The following HEMK2 variants were observed in gnomAD, a reference collection of about 807,000 sequenced individuals.
HEMK2 encodes HemK methyltransferase 2, ETF1 glutamine and histone H4 lysine.
the HEMK2 span, among the ~76,000 whole-genome samples, chr21:28,679,572 T>A: frequency 7.2e-5 from 11 of 152,196 alleles, no homozygotes; most frequent in African/African-American, 1.9e-4. Flanking sequence ...TACAGAACTC[T>A]CCACCCCAAA....
the HEMK2 span, among the ~76,000 whole-genome samples, chr21:28,856,866 G>A: frequency 6.6e-6 from 1 of 152,272 alleles, no homozygotes; most frequent in Non-Finnish European, 1.5e-5. Context: ...ACTCCCAGCA[G>A]CTGCTCAGGC....
At chr21:28,576,108 G>A in the HEMK2 span, among the ~76,000 whole-genome samples, 7 of 152,128 alleles carry the variant, frequency 4.6e-5, no homozygotes, top group Admixed American at 2.6e-4. Flanking sequence ...TAAGTACGTA[G>A]GAAAAGAATC....
chr21:28,757,240 G>A, the HEMK2 span, among the ~76,000 whole-genome samples: 1 of 152,284 alleles, frequency 6.6e-6, no homozygotes, highest in African/African-American at 2.4e-5. Context: ...GGAATGAAGA[G>A]AACCCAATTA....
chr21:28,738,560 C>G, the HEMK2 span, among the ~76,000 whole-genome samples: 1 of 152,192 alleles, frequency 6.6e-6, no homozygotes, highest in African/African-American at 2.4e-5. Flanking sequence ...AGGGACAGTT[C>G]AATCTGCCCA....
At chr21:28,749,849 T>C in the HEMK2 span, among the ~76,000 whole-genome samples, 9 of 152,200 alleles carry the variant, frequency 5.9e-5, no homozygotes. Context: ...CAGAGGAGTG[T>C]CTACAGCCAT....
chr21:28,740,990 A>G, the HEMK2 span, among the ~76,000 whole-genome samples: 1,657 of 152,300 alleles, frequency 0.011, 24 homozygotes, highest in African/African-American at 0.037. Context: ...TAATACAATT[A>G]CTACTATAAT....
chr21:28,814,056 T>C, the HEMK2 span, among the ~76,000 whole-genome samples: 1 of 151,966 alleles, frequency 6.6e-6, no homozygotes, highest in Non-Finnish European at 1.5e-5. Flanking sequence ...GCCAACATGG[T>C]GAAACCCCAT....
At chr21:28,723,010 TAA>T in the HEMK2 span, among the ~76,000 whole-genome samples, 16 of 143,188 alleles carry the variant, frequency 1.1e-4, no homozygotes, top group African/African-American at 2.5e-4. Context: ...TTTCTTTTAT[TAA>T]AAAAAAAAAA....
chr21:28,679,222 A>G, the HEMK2 span, among the ~76,000 whole-genome samples: 1 of 152,180 alleles, frequency 6.6e-6, no homozygotes, highest in South Asian at 2.1e-4. Flanking sequence ...AATGGAAAAC[A>G]AAAAAAGGCA....
the HEMK2 span, among the ~76,000 whole-genome samples, chr21:28,620,745 C>T: frequency 7.7e-6 from 1 of 130,678 alleles, no homozygotes. Flanking sequence ...GTAATCGGGG[C>T]TCACTGCAAC....
At chr21:28,864,883 T>TAAG in the HEMK2 span, among the ~76,000 whole-genome samples, 1 of 142,248 alleles carries the variant, frequency 7.0e-6, no homozygotes, top group Non-Finnish European at 1.5e-5. Context: ...GATAGGTAGA[T>TAAG]ATAGATGATA....
chr21:28,588,519 C>T, the HEMK2 span, among the ~76,000 whole-genome samples: 2 of 152,138 alleles, frequency 1.3e-5, no homozygotes, highest in Admixed American at 1.3e-4. Context: ...TGACGATAAG[C>T]AATTTACCCG....
the HEMK2 span, among the ~76,000 whole-genome samples, chr21:28,867,618 A>G: frequency 6.6e-6 from 1 of 152,198 alleles, no homozygotes; most frequent in Non-Finnish European, 1.5e-5. Flanking sequence ...TATTACTCAT[A>G]GTATTCATAC....
chr21:28,726,513 A>G, the HEMK2 span, among the ~76,000 whole-genome samples: 10 of 152,342 alleles, frequency 6.6e-5, no homozygotes, highest in East Asian at 1.9e-3. Flanking sequence ...AATTTATTTA[A>G]GTAGTTGAAA....
At chr21:28,821,815 A>T in the HEMK2 span, among the ~76,000 whole-genome samples, 3 of 152,250 alleles carry the variant, frequency 2.0e-5, no homozygotes, top group Admixed American at 6.5e-5. Flanking sequence ...AAATATATTC[A>T]AATTAAAGTA....
the HEMK2 span, among the ~76,000 whole-genome samples, chr21:28,838,533 CAAAA>C: frequency 5.5e-4 from 75 of 136,584 alleles, no homozygotes; most frequent in Non-Finnish European, 1.1e-3. Flanking sequence ...GACTCTGTCT[CAAAA>C]TAAAAAAAAA....
chr21:28,594,092 C>A, the HEMK2 span, among the ~76,000 whole-genome samples: 2 of 152,170 alleles, frequency 1.3e-5, no homozygotes. Context: ...CTCAAATACC[C>A]AAAACCTCTG....
At chr21:28,799,284 G>A in the HEMK2 span, among the ~76,000 whole-genome samples, 1 of 152,170 alleles carries the variant, frequency 6.6e-6, no homozygotes, top group Non-Finnish European at 1.5e-5. Context: ...AACAAGAGAA[G>A]AGAGCTTCTG....
At chr21:28,872,303 G>C in the HEMK2 span, 1 of 152,216 alleles carries the variant, frequency 6.6e-6, no homozygotes, top group African/African-American at 2.4e-5. Flanking sequence ...CACACGAGCT[G>C]AAGAGGCACG....
Sources: gnomAD v4.1 joint callset for allele counts (sites outside exome capture counted in the v4.1 genomes callset) on GRCh38, gnomAD v4.1.1 for gene constraint, MANE v1.5 for transcripts, NCBI Gene and HGNC (gene_info 2026-07-23, HGNC 2026-07-21) for gene names.